The following PVT1 variants were observed in gnomAD, a reference collection of about 807,000 sequenced individuals.
The protein encoded by PVT1 is Pvt1 oncogene.
intron 5 of PVT1, among the ~76,000 whole-genome samples, chr8:128,071,596 G>A (rs112921207): frequency 5.3e-5 from 8 of 151,700 alleles, no homozygotes; most frequent in African/African-American, 1.9e-4. Context: ...GAGGTGGGAG[G>A]ATCGCTTGAG....
intron 2 of PVT1, among the ~76,000 whole-genome samples, chr8:127,881,412 T>A (rs910882935): frequency 1.1e-4 from 16 of 144,606 alleles, no homozygotes; most frequent in South Asian, 4.3e-4. Flanking sequence ...AATAATAATA[T>A]TATTATTAAT....
chr8:127,804,914 A>C (rs1181283336), intron 2 of PVT1, among the ~76,000 whole-genome samples: 1 of 144,686 alleles, frequency 6.9e-6, no homozygotes, highest in African/African-American at 2.6e-5. Context: ...TATTATATGC[A>C]CTTTGTCCAT....
chr8:128,059,444 A>AT, intron 4 of PVT1, among the ~76,000 whole-genome samples: 1 of 152,316 alleles, frequency 6.6e-6, no homozygotes, highest in South Asian at 2.1e-4. Flanking sequence ...TGGTTTTCAC[A>AT]TTTTTTAGTG....
At chr8:128,040,825 GTGTT>G (rs1314933462) in intron 4 of PVT1, among the ~76,000 whole-genome samples, 2 of 151,640 alleles carry the variant, frequency 1.3e-5, no homozygotes, top group African/African-American at 2.4e-5. Context: ...TTGTGCTTGT[GTGTT>G]TGTGTATGTA....
At chr8:127,924,871 C>T (rs948359963) in intron 3 of PVT1, among the ~76,000 whole-genome samples, 1 of 151,818 alleles carries the variant, frequency 6.6e-6, no homozygotes, top group Admixed American at 6.6e-5. Context: ...TGGTCTTGAA[C>T]TCCTGGCCTT....
At chr8:128,014,571 G>A (rs1817350484) in intron 4 of PVT1, among the ~76,000 whole-genome samples, 1 of 152,282 alleles carries the variant, frequency 6.6e-6, no homozygotes, top group African/African-American at 2.4e-5. Flanking sequence ...TCTGGCCGTG[G>A]GCGGTGCTGA....
chr8:127,798,695 C>G (rs1814426099), intron 2 of PVT1, among the ~76,000 whole-genome samples: 1 of 65,864 alleles, frequency 1.5e-5, no homozygotes, highest in African/African-American at 4.5e-5. Context: ...CCTGTCTCTA[C>G]TAAAAATACA....
intron 3 of PVT1, among the ~76,000 whole-genome samples, chr8:127,930,468 T>C (rs1221741667): frequency 6.6e-6 from 1 of 152,212 alleles, no homozygotes; most frequent in African/African-American, 2.4e-5. Context: ...AGTAATCTTT[T>C]CAGTGGAGAA....
chr8:127,815,427 G>C (rs939481939), intron 2 of PVT1, among the ~76,000 whole-genome samples: 4 of 152,198 alleles, frequency 2.6e-5, no homozygotes, highest in Admixed American at 1.3e-4. Flanking sequence ...ACTTAGCCAA[G>C]GCCATTCAAC....
intron 4 of PVT1, among the ~76,000 whole-genome samples, chr8:128,014,920 G>A (rs979316826): frequency 9.9e-5 from 15 of 152,128 alleles, no homozygotes; most frequent in African/African-American, 3.1e-4. Context: ...GGGTGCTGTG[G>A]AAAGATCATA....
At chr8:128,059,470 G>A (rs990439076) in intron 4 of PVT1, among the ~76,000 whole-genome samples, 7 of 152,190 alleles carry the variant, frequency 4.6e-5, no homozygotes, top group South Asian at 2.1e-4. Context: ...GAAGCAAATC[G>A]AGAGAAGAAG....
Position 127,891,276 on chromosome 8 carries a change from G to A in PVT1, n.782+278G>A, listed in dbSNP as rs1815599209. Among the ~76,000 whole-genome samples the A allele has an allele frequency of 2.0e-5, 3 of 152,312 alleles. 1 individual carries two copies. Among genetic ancestry groups the A allele is most frequent in the Admixed American group, 2.0e-4 (3 of 15,300 alleles). ...TCTGCTGTTGGTTCTGTGTCCTTAAGACATTGTGTGGCATTTGGCACAGTC... is the reference window on the plus strand; with the variant it reads ...TCTGCTGTTGGTTCTGTGTCCTTAAAACATTGTGTGGCATTTGGCACAGTC... On this transcript the variant is annotated intron_variant and non_coding_transcript_variant, in intron 3 of 10. Transcript: ENST00000651587.
At chr8:128,072,543 A>G (rs1814010559) in intron 5 of PVT1, among the ~76,000 whole-genome samples, 1 of 152,224 alleles carries the variant, frequency 6.6e-6, no homozygotes, top group Non-Finnish European at 1.5e-5. Context: ...GTCTCATCTC[A>G]GTTTCCACTT....
intron 4 of PVT1, among the ~76,000 whole-genome samples, chr8:128,051,794 A>G (rs988072523): frequency 1.3e-5 from 2 of 150,550 alleles, no homozygotes; most frequent in African/African-American, 4.9e-5. Flanking sequence ...GTCTTTTTTT[A>G]TGGTTTATCT....
chr8:127,945,189 T>C (rs970376594), intron 3 of PVT1, among the ~76,000 whole-genome samples: 5 of 152,150 alleles, frequency 3.3e-5, no homozygotes, highest in Admixed American at 3.3e-4. Context: ...GCATTTTTTT[T>C]CTTTTCTTTC....
intron 3 of PVT1, among the ~76,000 whole-genome samples, chr8:127,929,703 G>A (rs1816179692): frequency 6.6e-6 from 1 of 152,074 alleles, no homozygotes; most frequent in African/African-American, 2.4e-5. Flanking sequence ...GGGAGGCGGA[G>A]CTTGCAGTGA....
At chr8:127,977,322 G>T (rs1816832787) in intron 3 of PVT1, among the ~76,000 whole-genome samples, 2 of 152,186 alleles carry the variant, frequency 1.3e-5, no homozygotes, top group Admixed American at 6.5e-5. Context: ...CTTCTCAAGT[G>T]TGGGTTCTGC....
At chr8:127,838,792 C>T (rs1197915794) in intron 2 of PVT1, among the ~76,000 whole-genome samples, 1 of 152,200 alleles carries the variant, frequency 6.6e-6, no homozygotes, top group Non-Finnish European at 1.5e-5. Flanking sequence ...CATCAATTAG[C>T]TCATTTCATC....
intron 2 of PVT1, among the ~76,000 whole-genome samples, chr8:127,840,975 A>C (rs1280416502): frequency 6.6e-6 from 1 of 152,242 alleles, no homozygotes; most frequent in Admixed American, 6.5e-5. Context: ...CAAGGCACCA[A>C]GTCATCTGGA....
Sources: allele counts gnomAD v4.1 joint callset (sites outside exome capture counted in the v4.1 genomes callset), GRCh38; gene constraint gnomAD v4.1.1; transcripts MANE v1.5; gene names NCBI Gene and HGNC (gene_info 2026-07-23, HGNC 2026-07-21).